Variants in F3 observed in about 807,000 individuals in gnomAD.
F3 encodes the protein tissue factor.
F3 carries 18 observed loss-of-function variants against 33.5 expected under a neutral mutation model. The observed-to-expected ratio is 0.54, with a 90% CI of 0.37 to 0.80. The LOEUF (loss-of-function observed/expected upper bound fraction) is 0.80, where lower values mean the gene tolerates loss of function less well. Ranked by LOEUF, F3 falls within the 30% of genes least tolerant of loss-of-function variation. The pLI, the probability that F3 is intolerant of heterozygous loss-of-function variation, is 0.00. For missense variants in F3, 353 were observed against 362.1 expected, an observed-to-expected ratio of 0.97 and a Z score of 0.20; for synonymous variants, 147 against 140.7, an observed-to-expected ratio of 1.05 and a Z score of -0.32.
Position 94,532,444 on chromosome 1 carries a change from C to G in F3, c.628G>C (p.Asp210His). 1.2e-6 allele frequency: 2 copies of G among 1,614,122 alleles called. No homozygotes were observed. The highest frequency in any genetic ancestry group is 1.7e-6 in the Non-Finnish European group (2 of 1,180,010). Residue 210 changes from aspartate (D) to histidine (H), a missense_variant, in exon 5 of 6, where the codon GAT becomes CAT. Physicochemically the swap from Asp to His is moderately conservative, Grantham distance 81. Transcript: ENST00000334047. ...AKTNTNEFLI[D>H]VDKGENYCFS... Reference sequence around the variant, plus strand: ...CAGTAGTTTTCTCCTTTATCCACATCAATCAAAAACTCATTAGTGTTTGTT... The same window carrying G: ...CAGTAGTTTTCTCCTTTATCCACATGAATCAAAAACTCATTAGTGTTTGTT...
chr1:94,537,104 G>T (rs1456272044), intron 2 of F3, among the ~76,000 whole-genome samples: 1 of 152,096 alleles, frequency 6.6e-6, no homozygotes, highest in African/African-American at 2.4e-5. Context: ...AAAGATTACA[G>T]AATAAGAGTA....
intron 1 of F3, 27 bp downstream of exon 1, chr1:94,541,510 G>A: frequency 2.1e-6 from 3 of 1,442,332 alleles, no homozygotes; most frequent in Non-Finnish European, 2.7e-6. Context: ...GGCGCGCCCC[G>A]GGCTTCCAGG....
chr1:94,532,944 T>A, intron 4 of F3, 146 bp downstream of exon 4: 1 of 773,498 alleles, frequency 1.3e-6, no homozygotes, highest in African/African-American at 1.7e-5. Context: ...TGTCCACCCC[T>A]CCCCACAGTG....
In F3 at chr1:94,535,631, TA is replaced by T. The variant is rs1445732547; in HGVS notation, c.412+333del. On this transcript the variant is annotated intron_variant, in intron 3 of 5. Transcript: ENST00000334047. ...ACATGATATATATATAGGGAAAAGC[TA>T]AAACCCCGGCCTTGGTGGATTTCCT... 2.0e-5 allele frequency among the ~76,000 whole-genome samples: 3 copies of T among 152,018 alleles called. No individual in the cohort carries two copies. In the South Asian group the frequency reaches 6.2e-4, roughly 31 times the overall value.
At chr1:94,536,645 C>T (rs1651618185) in intron 2 of F3, among the ~76,000 whole-genome samples, 2 of 152,136 alleles carry the variant, frequency 1.3e-5, no homozygotes, top group African/African-American at 4.8e-5. Context: ...AATGTAGACG[C>T]TCTCTGTCAG....
At position 94,539,054 on chromosome 1, in the gene F3, T is replaced by C. The variant is rs115453464; in HGVS notation, c.212+1203A>G. 4.7e-3 allele frequency among the ~76,000 whole-genome samples: 720 copies of C among 152,336 alleles called. 3 individuals are homozygous for C. Among genetic ancestry groups the C allele is most frequent in the African/African-American group, 0.016 (685 of 41,572 alleles). ...CCTCAAATATTAGATTGAATATATT[T>C]AGGAGGTAAGCATTCCTCCCAAAAT... On this transcript the variant is annotated intron_variant, in intron 2 of 5. Coordinates refer to ENST00000334047, the MANE Select transcript of F3 (RefSeq NM_001993.5).
chr1:94,537,907 T>C (rs1651660966), intron 2 of F3, among the ~76,000 whole-genome samples: 1 of 152,196 alleles, frequency 6.6e-6, no homozygotes, highest in African/African-American at 2.4e-5. Flanking sequence ...CAGCAAATAG[T>C]TGTTCAGATA....
Position 94,540,678 on chromosome 1 carries a change from TGCCAGTCCAG to T in F3, c.101-320_101-311del. 1.4e-5 allele frequency: 4 copies of T among 294,980 alleles called. No homozygotes were observed. The South Asian group carries it at 1.6e-4, about 12-fold the overall frequency. 18.3% of individuals were successfully genotyped at this position (294,980 alleles called of 1,614,324 possible). On this transcript the variant is annotated intron_variant, in intron 1 of 5. Coordinates refer to ENST00000334047, the MANE Select transcript of F3 (RefSeq NM_001993.5). ...CGGGAAGAGCCCAGAGCCATCAGTG[TGCCAGTCCAG>T]GACTCAGCTCAGGAAGAGTCAGGTT...
chr1:94,532,176 A>T (rs1334428519), intron 5 of F3, 145 bp downstream of exon 5: 10 of 838,016 alleles, frequency 1.2e-5, no homozygotes, highest in Non-Finnish European at 1.8e-5. Context: ...AAAACAAACA[A>T]ATAACAACAA....
chr1:94,530,543 T>C lies in F3; in HGVS notation c.805A>G (p.Ile269Val). ...CACTTGTGTAGAGATATAGCCAGGA[T>C]GATGACAAGGATGATGACCACAAAT... ...VVFVVIILVI[I>V]LAISLHKCRK... The change falls in exon 6 of 6, where the codon ATC (isoleucine) becomes GTC (valine). Residue 269 changes from isoleucine (I) to valine (V), a missense_variant. Ile to Val is a conservative substitution (Grantham distance 29, BLOSUM62 3). Transcript: ENST00000334047. 2 of 1,614,106 alleles carry C rather than the reference T, an allele frequency of 1.2e-6. No individual in the cohort carries two copies. The highest frequency in any genetic ancestry group is 1.7e-6 in the Non-Finnish European group (2 of 1,179,992).
At chr1:94,533,036 C>G (rs551708369) in intron 4 of F3, 54 bp downstream of exon 4, 4 of 1,553,164 alleles carry the variant, frequency 2.6e-6, no homozygotes, top group Non-Finnish European at 3.5e-6. Context: ...GGTTGTAAAA[C>G]CCAAGTATTC....
rs534881447 is a variant in F3, at chr1:94,529,567, T to C, written c.*893A>G. 2 of 152,736 alleles carry C rather than the reference T, an allele frequency of 1.3e-5. No individual in the cohort carries two copies. Among genetic ancestry groups the C allele is most frequent in the South Asian group, 2.1e-4 (1 of 4,818 alleles). 9.5% of individuals were successfully genotyped at this position (152,736 alleles called of 1,614,324 possible). A position where few individuals can be genotyped will look rare whatever the true frequency, so the allele number is the denominator to read the frequency against. ...CCACTTAAGTCAGTTAAAGTGCAGA[T>C]TGTAAAGCATATTAGGAAGGTGCCC... On this transcript the variant is annotated 3_prime_UTR_variant, in exon 6 of 6. Transcript: ENST00000334047.
At chr1:94,536,643 C>T (rs1338260353) in intron 2 of F3, among the ~76,000 whole-genome samples, 2 of 152,094 alleles carry the variant, frequency 1.3e-5, no homozygotes, top group Admixed American at 6.5e-5. Flanking sequence ...AGAATGTAGA[C>T]GCTCTCTGTC....
intron 3 of F3, among the ~76,000 whole-genome samples, chr1:94,535,254 C>T (rs1049282826): frequency 2.0e-5 from 3 of 152,208 alleles, no homozygotes; most frequent in African/African-American, 7.2e-5. Context: ...ATGCATTTAT[C>T]TAAATTGCCT....
At position 94,541,437 on chromosome 1, in the gene F3, G is replaced by C. The variant is rs903423250; in HGVS notation, c.100+100C>G. 20 of 952,470 alleles carry C rather than the reference G, an allele frequency of 2.1e-5. No individual in the cohort carries two copies. In the Admixed American group the frequency reaches 4.0e-4, roughly 19 times the overall value. The allele number at this position is 952,470 out of a possible 1,614,324, so 59.0% of individuals were successfully genotyped here. ...TCCCGTAGGCGCGGGGGACAACATG[G>C]GCGCCCCGGGGAACCAGGGCGAGCC... On this transcript the variant is annotated intron_variant, in intron 1 of 5. Transcript: ENST00000334047.
At chr1:94,535,364 G>C (rs1479375264) in intron 3 of F3, among the ~76,000 whole-genome samples, 1 of 152,180 alleles carries the variant, frequency 6.6e-6, no homozygotes, top group South Asian at 2.1e-4. Context: ...CAGGGGCAAA[G>C]GCTGAGGAGG....
At chr1:94,541,165 C>A (rs1651762701) in intron 1 of F3, 3 of 222,628 alleles carry the variant, frequency 1.3e-5, no homozygotes, top group East Asian at 1.9e-4. Context: ...CACGCCAACA[C>A]GTGCAGACGC....
At chr1:94,538,408 C>A (rs1011111038) in intron 2 of F3, among the ~76,000 whole-genome samples, 2 of 152,200 alleles carry the variant, frequency 1.3e-5, no homozygotes, top group Non-Finnish European at 2.9e-5. Context: ...GCAGTAGTGT[C>A]CTGCGGCTGG....
chr1:94,537,728 A>C (rs1651655708), intron 2 of F3, among the ~76,000 whole-genome samples: 1 of 152,240 alleles, frequency 6.6e-6, no homozygotes. Flanking sequence ...TCTTTATCCT[A>C]AAGTGCACAA....
Sources: allele counts gnomAD v4.1 joint callset (sites outside exome capture counted in the v4.1 genomes callset), GRCh38; gene constraint gnomAD v4.1.1; transcripts MANE v1.5; gene names NCBI Gene and HGNC (gene_info 2026-07-23, HGNC 2026-07-21).